The following ZBTB11 variants were observed in gnomAD, a reference collection of about 807,000 sequenced individuals.
The protein encoded by ZBTB11 is zinc finger and BTB domain-containing protein 11.
Under a neutral mutation model 113.1 loss-of-function variants are expected in ZBTB11, and 68 were observed. The ratio of observed to expected loss-of-function variants is 0.60; its 90% CI spans 0.49 to 0.74. The LOEUF (loss-of-function observed/expected upper bound fraction) is 0.74, where lower values mean the gene tolerates loss of function less well. ZBTB11 is among the 30% of genes least tolerant of loss of function. The pLI is 0.00. For missense variants in ZBTB11, 1,104 were observed against 1,279.4 expected (o/e 0.86, Z 2.09); for synonymous variants, 518 against 452.6 (o/e 1.14, Z -1.83).
At chr3:101,670,265 CTTTT>C (rs1412916607) in intron 3 of ZBTB11, among the ~76,000 whole-genome samples, 1 of 152,166 alleles carries the variant, frequency 6.6e-6, no homozygotes, top group Non-Finnish European at 1.5e-5. Context: ...GGAAAAGTCA[CTTTT>C]TTGTTTCAAA....
intron 6 of ZBTB11, among the ~76,000 whole-genome samples, chr3:101,658,929 A>G (rs889117059): frequency 1.3e-5 from 2 of 152,210 alleles, no homozygotes; most frequent in African/African-American, 4.8e-5. Context: ...TGGTTCCAAA[A>G]CTGTTTTTTA....
chr3:101,660,116 TAC>T (rs1936863430), intron 5 of ZBTB11, 88 bp from the exon 6 acceptor site: 2 of 1,296,436 alleles, frequency 1.5e-6, no homozygotes. Flanking sequence ...TTGTTTTTGT[TAC>T]AATTATATAA....
chr3:101,672,772 C>T (rs567113319), intron 1 of ZBTB11, among the ~76,000 whole-genome samples: 2 of 152,354 alleles, frequency 1.3e-5, no homozygotes, highest in East Asian at 1.9e-4. Flanking sequence ...TACTTCTCCA[C>T]CCCAGTGACA....
intron 1 of ZBTB11, among the ~76,000 whole-genome samples, chr3:101,675,519 A>G (rs1937149581): frequency 6.6e-6 from 1 of 152,254 alleles, no homozygotes; most frequent in South Asian, 2.1e-4. Context: ...GAGTGACAGC[A>G]CTGTTCCTAA....
chr3:101,673,019 A>C (rs1382001488), intron 1 of ZBTB11, among the ~76,000 whole-genome samples: 1 of 152,224 alleles, frequency 6.6e-6, no homozygotes, highest in African/African-American at 2.4e-5. Flanking sequence ...AGTTTAAAAT[A>C]AATCTTTTGT....
In ZBTB11 at chr3:101,672,232, CAA is replaced by C; in HGVS notation, c.311-21_311-20del. On this transcript the variant is annotated intron_variant, in intron 1 of 10. Coordinates refer to ENST00000312938, the MANE Select transcript of ZBTB11 (RefSeq NM_014415.4). Reference sequence around the variant, plus strand: ...AATATACCTACAATGAAAATATTAACAAGTCAAATTTAATACTGTTAACTGAA... The same window carrying C: ...AATATACCTACAATGAAAATATTAACGTCAAATTTAATACTGTTAACTGAA... The C allele has an allele frequency of 6.5e-7, 1 of 1,542,836 alleles. No homozygotes were observed. Among genetic ancestry groups the C allele is most frequent in the Non-Finnish European group, 8.8e-7 (1 of 1,131,276 alleles).
At chr3:101,656,584 C>T (rs1295054593) in intron 6 of ZBTB11, among the ~76,000 whole-genome samples, 1 of 152,114 alleles carries the variant, frequency 6.6e-6, no homozygotes, top group Non-Finnish European at 1.5e-5. Context: ...GAACAATATA[C>T]CATTTCCTGC....
intron 6 of ZBTB11, among the ~76,000 whole-genome samples, chr3:101,659,427 C>T (rs555534740): frequency 8.7e-4 from 133 of 152,290 alleles, no homozygotes; most frequent in African/African-American, 3.0e-3. Context: ...TTAGGCAGGA[C>T]TTTTACGGAC....
At chr3:101,658,467 C>T (rs969706171) in intron 6 of ZBTB11, among the ~76,000 whole-genome samples, 2 of 152,108 alleles carry the variant, frequency 1.3e-5, no homozygotes, top group Non-Finnish European at 2.9e-5. Context: ...TGTGATCCGC[C>T]TGCCTCGGCC....
At chr3:101,673,812 G>A (rs184084033) in intron 1 of ZBTB11, among the ~76,000 whole-genome samples, 1 of 152,276 alleles carries the variant, frequency 6.6e-6, no homozygotes, top group East Asian at 1.9e-4. Flanking sequence ...ACCTTGCCTG[G>A]CCACCAAGTT....
rs915406925 is a variant in ZBTB11 at position 101,650,405 on chromosome 3, G to C, written c.*761C>G. 6.6e-6 allele frequency: 1 copy of C among 152,484 alleles called. No homozygotes were observed. Among genetic ancestry groups the C allele is most frequent in the Non-Finnish European group, 1.5e-5 (1 of 68,004 alleles). 9.4% of individuals were successfully genotyped at this position (152,484 alleles called of 1,614,324 possible). ...TTCCTGTCAACAGTGTTTAATAACT[G>C]TGTTCTTTTCTCATGGTCAATTTAC... On this transcript the variant is annotated 3_prime_UTR_variant, in exon 11 of 11. Transcript: ENST00000312938.
rs1045229727 is a variant in ZBTB11, at chr3:101,677,025, G to C, written c.-111C>G. 11 of 1,259,952 alleles carry C rather than the reference G, an allele frequency of 8.7e-6. No homozygotes were observed. Among genetic ancestry groups the C allele is most frequent in the Non-Finnish European group, 1.1e-5 (10 of 938,470 alleles). 78.0% of individuals were successfully genotyped at this position (1,259,952 alleles called of 1,614,324 possible). A position where few individuals can be genotyped will look rare whatever the true frequency, so the allele number is the denominator to read the frequency against. On this transcript the variant is annotated 5_prime_UTR_variant, in exon 1 of 11. Transcript: ENST00000312938. The stretch of plus-strand genomic sequence containing the variant: ...CGGCACCGTAGGGAGAAACGGCTGC[G>C]CCTTTGGCGAGCGCTCTTCGACGGC...
At position 101,651,503 on chromosome 3, in the gene ZBTB11, G is replaced by A; in HGVS notation, c.2825C>T (p.Pro942Leu). 6.2e-7 allele frequency: 1 copy of A among 1,614,144 alleles called. No individual in the cohort carries two copies. Among genetic ancestry groups the A allele is most frequent in the Non-Finnish European group, 8.5e-7 (1 of 1,180,014 alleles). ...GTCTTTTTCCAGCATAATTTTGCAA[G>A]GCACATAGTCTCTGTGGAATTTAGT... ...HMTKFHRDYVPCKIMLEKDTL... is the reference protein window; with the variant it reads ...HMTKFHRDYVLCKIMLEKDTL... The change falls in exon 11 of 11, where the codon CCT (proline) becomes CTT (leucine). Residue 942 changes from proline (P) to leucine (L), a missense_variant. By Grantham distance (98) the Pro-to-Leu change is moderately conservative. Coordinates refer to ENST00000312938, the MANE Select transcript of ZBTB11 (RefSeq NM_014415.4).
chr3:101,656,006 C>T, intron 7 of ZBTB11, 98 bp downstream of exon 7: 1 of 1,031,996 alleles, frequency 9.7e-7, no homozygotes, highest in Non-Finnish European at 1.3e-6. Context: ...ATTGAGCACA[C>T]ACGACTATCA....
intron 6 of ZBTB11, among the ~76,000 whole-genome samples, chr3:101,658,754 G>A (rs1936840008): frequency 6.6e-6 from 1 of 152,134 alleles, no homozygotes; most frequent in Non-Finnish European, 1.5e-5. Context: ...GGGAAAGGGT[G>A]AGTTGGGGGT....
chr3:101,656,444 ATT>A (rs1477933755), intron 6 of ZBTB11, among the ~76,000 whole-genome samples, 196 bp from the exon 7 acceptor site: 3 of 152,222 alleles, frequency 2.0e-5, no homozygotes, highest in African/African-American at 7.2e-5. Flanking sequence ...TTCAACAAAT[ATT>A]GTTATCTTTC....
rs1240770088 is a variant in ZBTB11 at position 101,651,457 on chromosome 3, T to G, written c.2871A>C (p.Gln957His). 6.2e-7 allele frequency: 1 copy of G among 1,614,202 alleles called. No homozygotes were observed. The highest frequency in any genetic ancestry group is 8.5e-7 in the Non-Finnish European group (1 of 1,180,024). The change falls in exon 11 of 11, where the codon CAA (glutamine) becomes CAC (histidine). Residue 957 changes from glutamine to histidine, a missense_variant. Gln to His is a conservative substitution (Grantham distance 24). Around this residue, in one of 5 missense-constraint regions of ZBTB11, gnomAD observed 148 missense variants for 259.3 expected, o/e 0.57. Transcript: ENST00000312938. ...TAACAGCATGTGCCACTTGAGTTCC[T>G]TGGTTATGAAACTGAAGGGTGTCTT... ...LEKDTLQFHNQGTQVAHAVSI... is the reference protein window; with the variant it reads ...LEKDTLQFHNHGTQVAHAVSI...
intron 3 of ZBTB11, 74 bp from the exon 4 acceptor site, chr3:101,665,882 AAATATAATTC>A (rs1314134391): frequency 2.1e-6 from 3 of 1,400,112 alleles, no homozygotes; most frequent in East Asian, 4.6e-5. Context: ...TGACAATATA[AAATATAATTC>A]AAAGGCAAAT....
At chr3:101,664,773 C>A in intron 4 of ZBTB11, 59 bp from the exon 5 acceptor site, 1 of 1,513,574 alleles carries the variant, frequency 6.6e-7, no homozygotes, top group South Asian at 1.3e-5. Flanking sequence ...TTTTTAAAGT[C>A]ATGTTGTAAA....
Sources: allele counts gnomAD v4.1 joint callset (sites outside exome capture counted in the v4.1 genomes callset), GRCh38; gene constraint gnomAD v4.1.1; regional missense constraint gnomAD v4.1.1; transcripts MANE v1.5; gene names NCBI Gene and HGNC (gene_info 2026-07-23, HGNC 2026-07-21).